IQCM: variants seen among roughly 807,000 people sequenced by gnomAD.
IQCM encodes IQ motif containing M.
In IQCM, 45 loss-of-function variants were observed where a neutral mutation model predicts 57.6. The ratio of observed to expected loss-of-function variants is 0.78; its 90% CI spans 0.62 to 1.00. IQCM has a LOEUF of 1.00. Ranked by LOEUF, IQCM falls within the 50% of genes least tolerant of loss-of-function variation. The pLI is 0.00. For synonymous variants in IQCM, 148 were observed against 158.9 expected, an observed-to-expected ratio of 0.93 and a Z score of 0.51; for missense variants, 468 against 511.6, an observed-to-expected ratio of 0.91 and a Z score of 0.82.
chr4:149,761,622 G>A (rs1769524322), intron 2 of IQCM, among the ~76,000 whole-genome samples: 1 of 151,980 alleles, frequency 6.6e-6, no homozygotes, highest in Non-Finnish European at 1.5e-5. Flanking sequence ...GTGTGCACAT[G>A]TTATATCCCC....
At chr4:149,711,350 G>C (rs1282813544) in intron 5 of IQCM, among the ~76,000 whole-genome samples, 1 of 152,146 alleles carries the variant, frequency 6.6e-6, no homozygotes, top group East Asian at 1.9e-4. Context: ...ATGAGCGAAA[G>C]CTTTAGATTC....
intron 12 of IQCM, among the ~76,000 whole-genome samples, chr4:149,481,706 T>TTTTTTTTGTTTTTTG (rs1380124637): frequency 2.1e-3 from 278 of 133,304 alleles, no homozygotes; most frequent in Non-Finnish European, 2.5e-3. Context: ...GTTTTGTTTT[T>TTTTTTTTGTTTTTTG]TTTTTTTTTT....
At chr4:149,491,126 GA>G (rs1230614287) in intron 12 of IQCM, among the ~76,000 whole-genome samples, 1 of 151,924 alleles carries the variant, frequency 6.6e-6, no homozygotes, top group African/African-American at 2.4e-5. Context: ...TTGAACTCCT[GA>G]CCCATGTTGG....
intron 9 of IQCM, among the ~76,000 whole-genome samples, chr4:149,581,348 A>G (rs1752164490): frequency 6.6e-6 from 1 of 151,128 alleles, no homozygotes; most frequent in Non-Finnish European, 1.5e-5. Context: ...TTTCACTATG[A>G]CCTTGAAGAT....
chr4:149,708,339 T>C (rs1285182870), intron 5 of IQCM, among the ~76,000 whole-genome samples: 2 of 151,818 alleles, frequency 1.3e-5, no homozygotes, highest in Non-Finnish European at 2.9e-5. Flanking sequence ...AAAACAAAGC[T>C]GAAAAGACTG....
chr4:149,378,850 C>T (rs1191484429), intron 13 of IQCM, among the ~76,000 whole-genome samples: 1 of 152,130 alleles, frequency 6.6e-6, no homozygotes, highest in African/African-American at 2.4e-5. Flanking sequence ...TATCAGAGAC[C>T]TTTACAACAG....
At chr4:149,608,426 T>A (rs1754986541) in intron 8 of IQCM, among the ~76,000 whole-genome samples, 1 of 151,916 alleles carries the variant, frequency 6.6e-6, no homozygotes, top group African/African-American at 2.4e-5. Context: ...TGAATAGATA[T>A]TTATGGAATA....
chr4:149,463,898 G>A (rs1326313117), intron 12 of IQCM, among the ~76,000 whole-genome samples: 1 of 152,108 alleles, frequency 6.6e-6, no homozygotes, highest in Non-Finnish European at 1.5e-5. Flanking sequence ...TTATAAAAAT[G>A]TTCAGAAGTA....
intron 5 of IQCM, among the ~76,000 whole-genome samples, chr4:149,696,372 C>T (rs1352842512): frequency 1.3e-5 from 2 of 152,254 alleles, no homozygotes; most frequent in East Asian, 3.9e-4. Flanking sequence ...ATCTCTTTTG[C>T]TGACTCTCCC....
chr4:149,474,408 T>G, intron 12 of IQCM, among the ~76,000 whole-genome samples: 1 of 151,738 alleles, frequency 6.6e-6, no homozygotes, highest in East Asian at 1.9e-4. Context: ...AGACCATATC[T>G]TTAAAAAAAT....
chr4:149,531,823 T>A (rs944493526), intron 12 of IQCM, among the ~76,000 whole-genome samples: 13 of 152,292 alleles, frequency 8.5e-5, no homozygotes, highest in Middle Eastern at 6.8e-3. Context: ...ATGATCTTTT[T>A]AATATTTAAA....
chr4:149,669,284 A>C (rs1263501967), intron 7 of IQCM, among the ~76,000 whole-genome samples: 3 of 152,122 alleles, frequency 2.0e-5, no homozygotes, highest in Non-Finnish European at 4.4e-5. Context: ...TCCTCTTTCG[A>C]GAAGTGTCTA....
intron 2 of IQCM, among the ~76,000 whole-genome samples, chr4:149,777,048 A>G (rs1024932580): frequency 3.3e-5 from 5 of 152,158 alleles, no homozygotes; most frequent in Admixed American, 2.0e-4. Flanking sequence ...TGAACAGAGT[A>G]TATAACATCC....
intron 7 of IQCM, among the ~76,000 whole-genome samples, chr4:149,663,941 A>C (rs1049973689): frequency 2.0e-5 from 3 of 152,086 alleles, no homozygotes; most frequent in African/African-American, 7.2e-5. Context: ...TTCTTCCCCC[A>C]GCATCCCTAT....
At chr4:149,470,191 G>A (rs1239655166) in intron 12 of IQCM, among the ~76,000 whole-genome samples, 1 of 151,998 alleles carries the variant, frequency 6.6e-6, no homozygotes, top group African/African-American at 2.4e-5. Context: ...ATTGGTTGAA[G>A]AGTCAAGACC....
chr4:149,516,563 G>A (rs940516006), intron 12 of IQCM, among the ~76,000 whole-genome samples: 1 of 152,114 alleles, frequency 6.6e-6, no homozygotes, highest in Non-Finnish European at 1.5e-5. Flanking sequence ...TTCAGGGCTG[G>A]AGCAAAGTTC....
At chr4:149,651,299 G>A (rs1759154498) in intron 7 of IQCM, among the ~76,000 whole-genome samples, 1 of 152,102 alleles carries the variant, frequency 6.6e-6, no homozygotes. Context: ...GAAACTGGAA[G>A]GTGGAAATAG....
chr4:149,744,502 A>T (rs1433151629), intron 2 of IQCM, among the ~76,000 whole-genome samples: 1 of 152,138 alleles, frequency 6.6e-6, no homozygotes, highest in African/African-American at 2.4e-5. Flanking sequence ...CCTGCATTAA[A>T]TTGGCTGGAA....
At chr4:149,494,141 C>T (rs1176046862) in intron 12 of IQCM, among the ~76,000 whole-genome samples, 1 of 151,886 alleles carries the variant, frequency 6.6e-6, no homozygotes, top group Non-Finnish European at 1.5e-5. Context: ...GATTCAGCCT[C>T]CTCTGTATTT....
Sources: allele counts gnomAD v4.1 joint callset (sites outside exome capture counted in the v4.1 genomes callset), GRCh38; gene constraint gnomAD v4.1.1; transcripts MANE v1.5; gene names NCBI Gene and HGNC (gene_info 2026-07-23, HGNC 2026-07-21).